The following GRM7 variants were observed in gnomAD, a reference collection of about 807,000 sequenced individuals.
GRM7 encodes metabotropic glutamate receptor 7.
In GRM7, 35 loss-of-function variants were observed where a neutral mutation model predicts 84.5. The ratio of observed to expected loss-of-function variants is 0.41; its 90% CI spans 0.32 to 0.55. GRM7 has a LOEUF of 0.55. GRM7 is among the 20% of genes least tolerant of loss of function. The pLI is 0.19. For synonymous variants in GRM7, 487 were observed against 455.1 expected (o/e 1.07, Z -0.89); for missense variants, 1,003 against 1,194.6 (o/e 0.84, Z 2.36).
chr3:7,335,036 C>T (rs1026582654), intron 4 of GRM7, among the ~76,000 whole-genome samples: 1 of 152,028 alleles, frequency 6.6e-6, no homozygotes, highest in Non-Finnish European at 1.5e-5. Flanking sequence ...AAACAATGGG[C>T]TTAAGCTATA....
chr3:7,680,398 G>C, intron 9 of GRM7, 103 bp downstream of exon 9: 5 of 1,248,358 alleles, frequency 4.0e-6, no homozygotes, highest in Non-Finnish European at 5.7e-6. Flanking sequence ...GATCGTTCTT[G>C]TCTTATGGGC....
chr3:7,296,335 A>G (rs1699813779), intron 2 of GRM7, among the ~76,000 whole-genome samples: 1 of 152,064 alleles, frequency 6.6e-6, no homozygotes, highest in Non-Finnish European at 1.5e-5. Context: ...TCCAAGTAAT[A>G]TTGTCTATAT....
chr3:7,703,165 T>A (rs937481889), intron 9 of GRM7, among the ~76,000 whole-genome samples: 6 of 152,130 alleles, frequency 3.9e-5, no homozygotes, highest in Non-Finnish European at 7.4e-5. Context: ...ATTGCTGCAA[T>A]GTAGCATTGC....
chr3:6,881,638 A>C (rs1238387384), intron 1 of GRM7, among the ~76,000 whole-genome samples: 3 of 152,092 alleles, frequency 2.0e-5, no homozygotes, highest in African/African-American at 7.2e-5. Flanking sequence ...GGACATGAAC[A>C]GATACTTCTC....
At chr3:7,560,787 TGGTTGCC>T (rs1693986030) in intron 7 of GRM7, among the ~76,000 whole-genome samples, 1 of 152,192 alleles carries the variant, frequency 6.6e-6, no homozygotes, top group East Asian at 1.9e-4. Flanking sequence ...TCTATTGGAA[TGGTTGCC>T]TTCATGTAAT....
intron 1 of GRM7, among the ~76,000 whole-genome samples, chr3:7,031,561 C>T (rs546200681): frequency 3.3e-5 from 5 of 151,862 alleles, no homozygotes; most frequent in African/African-American, 7.3e-5. Flanking sequence ...GGACTACAGG[C>T]GCCCGCCACC....
intron 1 of GRM7, among the ~76,000 whole-genome samples, chr3:6,941,150 G>C (rs1465405703): frequency 1.3e-5 from 2 of 152,122 alleles, no homozygotes; most frequent in African/African-American, 4.8e-5. Context: ...CTGGGAACCC[G>C]AAAGGCCAAG....
At chr3:6,944,696 T>C (rs921547646) in intron 1 of GRM7, among the ~76,000 whole-genome samples, 2 of 152,224 alleles carry the variant, frequency 1.3e-5, no homozygotes, top group Non-Finnish European at 2.9e-5. Flanking sequence ...CCATGTGGAA[T>C]GAGCTGGGAA....
intron 2 of GRM7, among the ~76,000 whole-genome samples, chr3:7,153,406 C>T (rs1694349626): frequency 6.6e-6 from 1 of 151,982 alleles, no homozygotes. Context: ...TAATCATCTG[C>T]CTAGTTATCC....
At position 7,350,807 on chromosome 3, in the gene GRM7, A is replaced by G. The variant is rs143972331; in HGVS notation, c.1033+44155A>G. On this transcript the variant is annotated intron_variant, in intron 4 of 9. Coordinates refer to ENST00000357716, the MANE Select transcript of GRM7 (RefSeq NM_000844.4). ...CCGATGGTGCTCTGATATTCCAAACAAAGTAAACCAGAGAACGTCCTGTCA... is the reference window on the plus strand; with the variant it reads ...CCGATGGTGCTCTGATATTCCAAACGAAGTAAACCAGAGAACGTCCTGTCA... 9.2e-3 allele frequency among the ~76,000 whole-genome samples: 1,406 copies of G among 152,208 alleles called. 12 individuals are homozygous for G. Among genetic ancestry groups the G allele is most frequent in the Admixed American group, 0.027 (408 of 15,268 alleles).
At chr3:7,224,554 G>A (rs1272383599) in intron 2 of GRM7, among the ~76,000 whole-genome samples, 2 of 152,100 alleles carry the variant, frequency 1.3e-5, no homozygotes, top group Non-Finnish European at 2.9e-5. Context: ...GCTAACTGCC[G>A]ACCCATGTTT....
At chr3:7,542,366 G>T (rs1692922521) in intron 7 of GRM7, among the ~76,000 whole-genome samples, 1 of 152,062 alleles carries the variant, frequency 6.6e-6, no homozygotes, top group South Asian at 2.1e-4. Context: ...TAAACCTGCT[G>T]CTCTCAGCCT....
chr3:6,868,675 A>G (rs1275718334), intron 1 of GRM7, among the ~76,000 whole-genome samples: 1 of 152,202 alleles, frequency 6.6e-6, no homozygotes, highest in Non-Finnish European at 1.5e-5. Flanking sequence ...AGGGAAATCC[A>G]TCATTCAGAT....
chr3:7,021,817 A>G (rs1364148968), intron 1 of GRM7, among the ~76,000 whole-genome samples: 4 of 152,226 alleles, frequency 2.6e-5, no homozygotes, highest in Non-Finnish European at 5.9e-5. Flanking sequence ...TATGTATAAG[A>G]CACTGCTTAG....
intron 7 of GRM7, among the ~76,000 whole-genome samples, chr3:7,529,279 T>C (rs1700933772): frequency 1.3e-5 from 2 of 152,142 alleles, no homozygotes; most frequent in Admixed American, 1.3e-4. Context: ...GCCTAATTAC[T>C]GACACATGAT....
intron 1 of GRM7, among the ~76,000 whole-genome samples, chr3:6,926,227 C>A (rs1697293281): frequency 6.6e-6 from 1 of 152,178 alleles, no homozygotes; most frequent in Admixed American, 6.5e-5. Flanking sequence ...TAGCTAAAGA[C>A]AAGCCCTTTC....
intron 1 of GRM7, among the ~76,000 whole-genome samples, chr3:6,930,224 A>T (rs778068032): frequency 6.6e-6 from 1 of 152,202 alleles, no homozygotes; most frequent in Non-Finnish European, 1.5e-5. Flanking sequence ...TAGAGATAAT[A>T]TATGTGAAAA....
intron 4 of GRM7, among the ~76,000 whole-genome samples, chr3:7,331,745 C>T (rs190508040): frequency 3.1e-4 from 47 of 152,282 alleles, no homozygotes; most frequent in Middle Eastern, 3.4e-3. Flanking sequence ...GGCATAAAAG[C>T]AGTCTCTTTT....
chr3:7,026,057 C>G (rs17046621), intron 1 of GRM7, among the ~76,000 whole-genome samples: 17 of 152,164 alleles, frequency 1.1e-4, no homozygotes, highest in Admixed American at 1.0e-3. Flanking sequence ...AGCCAATCAC[C>G]TAATTTATAT....
Sources: allele counts gnomAD v4.1 joint callset (sites outside exome capture counted in the v4.1 genomes callset), GRCh38; gene constraint gnomAD v4.1.1; transcripts MANE v1.5; gene names NCBI Gene and HGNC (gene_info 2026-07-23, HGNC 2026-07-21).